Variants in IL7 observed in about 807,000 individuals in gnomAD.
The protein encoded by IL7 is interleukin-7.
Under a neutral mutation model 21.6 loss-of-function variants are expected in IL7, and 3 were observed. The ratio of observed to expected loss-of-function variants is 0.14; its 90% confidence interval spans 0.06 to 0.36. IL7 has a LOEUF of 0.36. IL7 is among the 10% of genes least tolerant of loss of function. The probability of loss-of-function intolerance (pLI) is 1.00; values close to 1 mark genes in which losing one functional copy is unlikely to be tolerated. For synonymous variants in IL7, 62 were observed against 68.1 expected, an observed-to-expected ratio of 0.91 and a Z score of 0.44; for missense variants, 175 against 200.2, an observed-to-expected ratio of 0.87 and a Z score of 0.76.
chr8:78,758,166 T>G (rs1228717477), intron 2 of IL7, among the ~76,000 whole-genome samples: 4 of 152,110 alleles, frequency 2.6e-5, no homozygotes, highest in Non-Finnish European at 4.4e-5. Flanking sequence ...GATGTGAATT[T>G]CTTGTTGGCA....
chr8:78,758,836 T>C (rs543271897), intron 2 of IL7, among the ~76,000 whole-genome samples: 12 of 152,248 alleles, frequency 7.9e-5, no homozygotes, highest in Non-Finnish European at 1.8e-4. Context: ...AGAACACTTA[T>C]ATTTTTATTG....
chr8:78,735,559 C>T (rs1013962258), intron 5 of IL7, among the ~76,000 whole-genome samples: 15 of 152,042 alleles, frequency 9.9e-5, no homozygotes, highest in Non-Finnish European at 5.9e-5. Flanking sequence ...CCGCCCACCT[C>T]GGACCCCCAA....
chr8:78,686,543 G>A, intron 3 of IL7: 1 of 1,548,246 alleles, frequency 6.5e-7, no homozygotes, highest in Non-Finnish European at 8.7e-7. Context: ...GCAGCTAAAG[G>A]CCTTGATCAG....
chr8:78,797,515 G>A (rs1371906102), intron 2 of IL7, among the ~76,000 whole-genome samples: 3 of 151,848 alleles, frequency 2.0e-5, no homozygotes, highest in Non-Finnish European at 4.4e-5. Context: ...TCTACTTTCT[G>A]CTCGAATTTT....
chr8:78,728,733 T>TG (rs1563410593), downstream of IL7, among the ~76,000 whole-genome samples: 1 of 151,900 alleles, frequency 6.6e-6, no homozygotes, highest in African/African-American at 2.4e-5. Context: ...TGTCAGTACT[T>TG]GGGGGGAGGA....
chr8:78,762,429 C>T lies in IL7; in HGVS notation c.148-22347G>A, dbSNP rs536190213. 1.2e-5 allele frequency: 19 copies of T among 1,588,048 alleles called. No homozygotes were observed. The Admixed American group carries it at 1.3e-4, about 10-fold the overall frequency. On this transcript the variant is annotated intron_variant, in intron 2 of 5. Transcript: ENST00000263851. ...AGTTGGCGGCAGCGCAGAAGTTCGGCATCGTCGCCCGCCCGCCGGCCGGTC... is the reference window on the plus strand; with the variant it reads ...AGTTGGCGGCAGCGCAGAAGTTCGGTATCGTCGCCCGCCCGCCGGCCGGTC...
intron 3 of IL7, among the ~76,000 whole-genome samples, chr8:78,727,095 C>T (rs1811352513): frequency 6.6e-6 from 1 of 151,968 alleles, no homozygotes; most frequent in Non-Finnish European, 1.5e-5. Flanking sequence ...CTCTATGCCT[C>T]TCTTAGTTAT....
intron 2 of IL7, among the ~76,000 whole-genome samples, chr8:78,742,497 C>CT (rs1322661237): frequency 6.6e-6 from 1 of 151,508 alleles, no homozygotes; most frequent in East Asian, 1.9e-4. Context: ...TGGCTAAGTT[C>CT]TTTTTTTTAG....
intron 2 of IL7, among the ~76,000 whole-genome samples, chr8:78,768,019 T>C (rs1053467164): frequency 1.3e-5 from 2 of 151,400 alleles, no homozygotes; most frequent in Non-Finnish European, 2.9e-5. Context: ...GAATATGCGG[T>C]GTTTGGCTTT....
At chr8:78,702,518 T>G (rs1182110281) in intron 3 of IL7, among the ~76,000 whole-genome samples, 2 of 152,172 alleles carry the variant, frequency 1.3e-5, no homozygotes, top group Non-Finnish European at 2.9e-5. Flanking sequence ...GGGATTTGTT[T>G]GTTCTTGTTT....
At chr8:78,716,416 C>T (rs993437225), downstream of IL7, among the ~76,000 whole-genome samples, 1 of 152,092 alleles carries the variant, frequency 6.6e-6, no homozygotes, top group Non-Finnish European at 1.5e-5. Flanking sequence ...AGCCACCGCA[C>T]CCGGCCTAGT....
intron 4 of IL7, among the ~76,000 whole-genome samples, chr8:78,676,653 G>A (rs1029337835): frequency 3.9e-5 from 6 of 151,932 alleles, no homozygotes; most frequent in Non-Finnish European, 7.4e-5. Context: ...TTTCTTTAAA[G>A]CAAAGTGAGG....
downstream of IL7, chr8:78,717,390 C>G: frequency 2.5e-6 from 4 of 1,613,572 alleles, no homozygotes; most frequent in Non-Finnish European, 3.4e-6. Flanking sequence ...GAAGGACATT[C>G]ACCTGGAAAC....
At chr8:78,726,397 G>T (rs1041407267) in intron 3 of IL7, among the ~76,000 whole-genome samples, 1 of 151,882 alleles carries the variant, frequency 6.6e-6, no homozygotes, top group African/African-American at 2.4e-5. Flanking sequence ...TGTGTGTGTG[G>T]AAAAGAGTAG....
chr8:78,699,338 A>G (rs1432137484), intron 3 of IL7, among the ~76,000 whole-genome samples: 1 of 152,106 alleles, frequency 6.6e-6, no homozygotes, highest in Non-Finnish European at 1.5e-5. Context: ...AAATTTACTT[A>G]TTTTTTATTT....
intron 2 of IL7, among the ~76,000 whole-genome samples, chr8:78,794,928 TC>T (rs1321328628): frequency 6.6e-6 from 1 of 152,114 alleles, no homozygotes; most frequent in Non-Finnish European, 1.5e-5. Context: ...AATGGGTTTT[TC>T]ATAGTAACTT....
At position 78,805,141 on chromosome 8, in the gene IL7, G is replaced by T; in HGVS notation, c.-219C>A. On this transcript the variant is annotated 5_prime_UTR_variant, in exon 1 of 6. Transcript: ENST00000263851. ...ACACTACGGCGTGGCTCTGCGCTTT[G>T]CCTTTTCCATAACTTCCGTAGGATC... The T allele has an allele frequency of 2.0e-6, 1 of 508,530 alleles. No individual in the cohort carries two copies. The highest frequency in any genetic ancestry group is 3.6e-6 in the Non-Finnish European group (1 of 280,744). 31.5% of individuals were successfully genotyped at this position (508,530 alleles called of 1,614,324 possible).
At chr8:78,717,234 C>T, downstream of IL7, 1 of 1,144,470 alleles carries the variant, frequency 8.7e-7, no homozygotes, top group Non-Finnish European at 1.2e-6. Flanking sequence ...ATTAAGCAGG[C>T]TAATTGTTAT....
In IL7 at chr8:78,687,721, A is replaced by G. The variant is rs1260719048; in HGVS notation, n.215-1774T>C. Among the ~76,000 whole-genome samples the G allele has an allele frequency of 2.6e-5, 2 of 76,370 alleles. 1 individual carries two copies. Among genetic ancestry groups the G allele is most frequent in the Non-Finnish European group, 5.7e-5 (2 of 34,802 alleles). 50.1% of individuals were successfully genotyped at this position (76,370 alleles called of 152,430 possible). A position where few individuals can be genotyped will look rare whatever the true frequency, so the allele number is the denominator to read the frequency against. On this transcript the variant is annotated intron_variant and non_coding_transcript_variant, in intron 3 of 4. Coordinates refer to the IL7 transcript ENST00000523959. ...AATACATTATATATATATTTACGTAATACATTATATATATTTATGTAATAC... is the reference window on the plus strand; with the variant it reads ...AATACATTATATATATATTTACGTAGTACATTATATATATTTATGTAATAC...
Sources: gnomAD v4.1 joint callset for allele counts (sites outside exome capture counted in the v4.1 genomes callset) on GRCh38, gnomAD v4.1.1 for gene constraint, MANE v1.5 for transcripts, NCBI Gene and HGNC (gene_info 2026-07-23, HGNC 2026-07-21) for gene names.